Variants in HSD17B7 observed in about 807,000 individuals in gnomAD.
HSD17B7 encodes hydroxysteroid 17-beta dehydrogenase 7.
A neutral mutation model predicts 34.1 loss-of-function variants in HSD17B7; 17 were observed. The ratio of observed to expected loss-of-function variants is 0.50; its 90% CI spans 0.34 to 0.75. The LOEUF (loss-of-function observed/expected upper bound fraction) is 0.75, where lower values mean the gene tolerates loss of function less well. Among genes scored for constraint, HSD17B7 ranks in the 30% least tolerant of loss-of-function variants. The probability of loss-of-function intolerance (pLI) is 0.01; values close to 1 mark genes in which losing one functional copy is unlikely to be tolerated. For missense variants in HSD17B7, 296 were observed against 406.6 expected (o/e 0.73, Z 2.34); for synonymous variants, 122 against 154.6 (o/e 0.79, Z 1.56).
At chr1:162,809,653 T>G (rs564030210) in intron 8 of HSD17B7, among the ~76,000 whole-genome samples, 21 of 152,156 alleles carry the variant, frequency 1.4e-4, no homozygotes, top group Non-Finnish European at 3.1e-4. Context: ...ATCCTGTTAT[T>G]GGTCTATTCA....
chr1:162,806,193 C>A (rs563839636), intron 8 of HSD17B7, among the ~76,000 whole-genome samples: 2 of 152,054 alleles, frequency 1.3e-5, no homozygotes, highest in Admixed American at 6.6e-5. Context: ...TTTTGTCATG[C>A]GTAAGGTTTG....
At position 162,797,923 on chromosome 1, in the gene HSD17B7, A is replaced by G; in HGVS notation, c.447+7A>G. 6.2e-7 allele frequency: 1 copy of G among 1,613,622 alleles called. No individual in the cohort carries two copies. The highest frequency in any genetic ancestry group is 8.5e-7 in the Non-Finnish European group (1 of 1,179,720). ...CTTTGGCCATTTTATCCTGGTAAAGAAGCTGTGGGCTTAATAAGCTAATAT... is the reference window on the plus strand; with the variant it reads ...CTTTGGCCATTTTATCCTGGTAAAGGAGCTGTGGGCTTAATAAGCTAATAT... On this transcript the variant is annotated splice_region_variant and intron_variant, in intron 4 of 8. Coordinates refer to ENST00000254521, the MANE Select transcript of HSD17B7 (RefSeq NM_016371.4).
intron 5 of HSD17B7, among the ~76,000 whole-genome samples, chr1:162,801,789 A>G (rs1180487767): frequency 6.6e-6 from 1 of 152,048 alleles, no homozygotes; most frequent in African/African-American, 2.4e-5. Context: ...TGAGATGTTT[A>G]AAAACTTGTC....
Position 162,796,614 on chromosome 1 carries a change from A to C in HSD17B7, c.269A>C (p.Asn90Thr). The change falls in exon 3 of 9, where the codon AAT (asparagine) becomes ACT (threonine). Residue 90 changes from asparagine (N) to threonine (T), a missense_variant. Coordinates refer to ENST00000254521, the MANE Select transcript of HSD17B7 (RefSeq NM_016371.4). ...CAGAGATTAGACTGTATATATCTAA[A>C]TGCTGGGATCATGCCTAATCCACAA... Reference protein sequence around the residue: ...RFQRLDCIYLNAGIMPNPQLN... With the variant: ...RFQRLDCIYLTAGIMPNPQLN... 1 of 1,612,212 alleles carries C rather than the reference A, an allele frequency of 6.2e-7. No individual in the cohort carries two copies. The highest frequency in any genetic ancestry group is 8.5e-7 in the Non-Finnish European group (1 of 1,178,360).
intron 8 of HSD17B7, among the ~76,000 whole-genome samples, chr1:162,807,658 T>C (rs1211552420): frequency 1.3e-5 from 2 of 152,194 alleles, no homozygotes; most frequent in East Asian, 3.8e-4. Context: ...TTTTTAATGA[T>C]CGCCATTCTA....
At position 162,792,838 on chromosome 1, in the gene HSD17B7, G is replaced by A. The variant is rs1403586392; in HGVS notation, c.215G>A (p.Arg72Gln). 8 of 1,614,022 alleles carry A rather than the reference G, an allele frequency of 5.0e-6. No homozygotes were observed. In the Admixed American group the frequency reaches 6.7e-5, roughly 13 times the overall value. The change falls in exon 2 of 9, where the codon CGG becomes CAG. Residue 72 changes from arginine (R) to glutamine (Q), a missense_variant. Transcript: ENST00000254521. Reference protein sequence around the residue: ...VDVSNLQSVFRASKELKQRFQ... With the variant: ...VDVSNLQSVFQASKELKQRFQ... The stretch of plus-strand genomic sequence containing the variant: ...GTCAGCAACCTGCAGTCGGTCTTCC[G>A]GGCCTCCAAGGAACTTAAGCAAAGG...
intron 8 of HSD17B7, among the ~76,000 whole-genome samples, chr1:162,807,415 A>G (rs1473908203): frequency 6.6e-6 from 1 of 152,204 alleles, no homozygotes; most frequent in Non-Finnish European, 1.5e-5. Flanking sequence ...GCTACTGTGA[A>G]TAGTGCCGCA....
chr1:162,796,899 A>G (rs369988620), intron 3 of HSD17B7, among the ~76,000 whole-genome samples: 3 of 152,196 alleles, frequency 2.0e-5, no homozygotes, highest in East Asian at 3.8e-4. Flanking sequence ...TCTCCAGGAC[A>G]TTCTAAATGG....
At chr1:162,795,976 C>T (rs934428261) in intron 2 of HSD17B7, among the ~76,000 whole-genome samples, 41 of 151,988 alleles carry the variant, frequency 2.7e-4, no homozygotes, top group African/African-American at 9.4e-4. Flanking sequence ...TACCTTACCC[C>T]CATTTATCTT....
At chr1:162,796,761 G>C in intron 3 of HSD17B7, 84 bp downstream of exon 3, 1 of 854,218 alleles carries the variant, frequency 1.2e-6, no homozygotes. Flanking sequence ...AAGTTGGGGG[G>C]ATGAAAGGTA....
chr1:162,791,682 G>A (rs1032150737), intron 1 of HSD17B7, among the ~76,000 whole-genome samples: 6 of 149,504 alleles, frequency 4.0e-5, no homozygotes, highest in Non-Finnish European at 1.5e-5. Context: ...ACCGTTGATT[G>A]GTGCTTCTTA....
At chr1:162,792,972 G>A (rs1648466431) in intron 2 of HSD17B7, 110 bp downstream of exon 2, 3 of 1,014,520 alleles carry the variant, frequency 3.0e-6, no homozygotes, top group Non-Finnish European at 4.4e-6. Flanking sequence ...GGTGTAAGCA[G>A]TTATGTTGAG....
chr1:162,792,222 G>A (rs1704753), intron 1 of HSD17B7, among the ~76,000 whole-genome samples: 145,414 of 152,264 alleles, frequency 0.96, 69,800 homozygotes, highest in East Asian at 1. Context: ...CCAGTAGGTG[G>A]TAGAGCCCTT....
chr1:162,809,620 A>G lies in HSD17B7; in HGVS notation c.904-2678A>G, dbSNP rs1438894321. Among the ~76,000 whole-genome samples, 3 of 152,022 alleles carry G rather than the reference A, an allele frequency of 2.0e-5. No individual in the cohort carries two copies. The East Asian group carries it at 5.8e-4, about 29-fold the overall frequency. ...CTGGGCTTTTTTTGGTTGGTAGGCT[A>G]TTAATTATTGCCTCAATTTCAGATC... On this transcript the variant is annotated intron_variant, in intron 8 of 8. Coordinates refer to ENST00000254521, the MANE Select transcript of HSD17B7 (RefSeq NM_016371.4).
chr1:162,802,302 G>A (rs867642606), intron 5 of HSD17B7, among the ~76,000 whole-genome samples: 7 of 152,166 alleles, frequency 4.6e-5, no homozygotes, highest in South Asian at 2.1e-4. Flanking sequence ...AGATTTCTTC[G>A]TTTAGGACAG....
In HSD17B7 at chr1:162,809,539, G is replaced by T. The variant is rs1189975768; in HGVS notation, c.904-2759G>T. ...CTATTGATTGGAATAGTTTCAGAAG[G>T]AATGGTACCATCTCCTTGTACCTCT... On this transcript the variant is annotated intron_variant, in intron 8 of 8. Coordinates refer to ENST00000254521, the MANE Select transcript of HSD17B7 (RefSeq NM_016371.4). 2.0e-5 allele frequency among the ~76,000 whole-genome samples: 3 copies of T among 147,528 alleles called. 1 individual carries two copies. The highest frequency in any genetic ancestry group is 6.6e-5 in the Admixed American group (1 of 15,102).
chr1:162,793,031 C>CTTTTTTT (rs201857530), intron 2 of HSD17B7, 169 bp downstream of exon 2: 64 of 352,902 alleles, frequency 1.8e-4, no homozygotes, highest in Non-Finnish European at 2.3e-4. Context: ...CGTTTTCTTT[C>CTTTTTTT]TTTTTTTTTT....
intron 8 of HSD17B7, among the ~76,000 whole-genome samples, chr1:162,805,991 T>A (rs906465440): frequency 5.3e-5 from 8 of 152,156 alleles, no homozygotes; most frequent in African/African-American, 1.7e-4. Flanking sequence ...CCTTTGAGTA[T>A]TCAATTCTGC....
intron 7 of HSD17B7, 64 bp downstream of exon 7, chr1:162,804,387 C>T (rs1648914227): frequency 2.1e-5 from 21 of 993,702 alleles, no homozygotes; most frequent in Middle Eastern, 2.1e-4. Flanking sequence ...CAGGTTCACT[C>T]GTAGTAGAAA....
Sources: gnomAD v4.1 joint callset for allele counts (sites outside exome capture counted in the v4.1 genomes callset) on GRCh38, gnomAD v4.1.1 for gene constraint, MANE v1.5 for transcripts, NCBI Gene and HGNC (gene_info 2026-07-23, HGNC 2026-07-21) for gene names.